The following DDX60 variants were observed in gnomAD, a reference collection of about 807,000 sequenced individuals.
DDX60 encodes DExD/H-box helicase 60, also known as probable ATP-dependent RNA helicase DDX60.
Under a neutral mutation model 212.8 loss-of-function variants are expected in DDX60, and 165 were observed. The ratio of observed to expected loss-of-function variants is 0.78; its 90% CI spans 0.68 to 0.88. The LOEUF (loss-of-function observed/expected upper bound fraction) is 0.88, where lower values mean the gene tolerates loss of function less well. Ranked by LOEUF, DDX60 falls within the 40% of genes least tolerant of loss-of-function variation. The probability of loss-of-function intolerance (pLI) is 0.00; values close to 1 mark genes in which losing one functional copy is unlikely to be tolerated. For missense variants in DDX60, 1,905 were observed against 2,003.9 expected, an observed-to-expected ratio of 0.95 and a Z score of 0.94; for synonymous variants, 703 against 685.3, an observed-to-expected ratio of 1.03 and a Z score of -0.40.
rs1380518835 is a variant in DDX60 at position 168,221,840 on chromosome 4, T to C, written c.4866A>G (p.Pro1622=). 4 of 1,613,178 alleles carry C rather than the reference T, an allele frequency of 2.5e-6. No homozygotes were observed. The highest frequency in any genetic ancestry group is 3.4e-6 in the Non-Finnish European group (4 of 1,179,480). Residue 1622 remains proline (P), a synonymous_variant, in exon 36 of 38, where the codon CCA becomes CCG. Transcript: ENST00000393743. ...TATCAAATTTCTGTGACAACAGCAC[T>C]GGAGCCTGAGAGCGATTGACACCGA... ...GTIGVNRSQA[P]VLLSQKFDNR...
At chr4:168,254,371 C>T (rs545424082) in intron 26 of DDX60, among the ~76,000 whole-genome samples, 3 of 152,152 alleles carry the variant, frequency 2.0e-5, no homozygotes, top group African/African-American at 7.2e-5. Context: ...TTTTTACCTC[C>T]CATGCTTCTA....
intron 33 of DDX60, among the ~76,000 whole-genome samples, chr4:168,231,978 T>C (rs567303748): frequency 4.6e-5 from 7 of 152,006 alleles, no homozygotes; most frequent in Non-Finnish European, 8.8e-5. Flanking sequence ...AAGACTCGTC[T>C]AAAAAGCTCC....
intron 34 of DDX60, among the ~76,000 whole-genome samples, chr4:168,224,985 T>C (rs144067424): frequency 6.6e-6 from 1 of 152,014 alleles, no homozygotes; most frequent in African/African-American, 2.4e-5. Context: ...GCTAAGAGTG[T>C]TAACCATGTA....
At chr4:168,277,555 A>C (rs1380793488) in intron 14 of DDX60, among the ~76,000 whole-genome samples, 1 of 152,082 alleles carries the variant, frequency 6.6e-6, no homozygotes, top group East Asian at 1.9e-4. Flanking sequence ...TGAAAATTCC[A>C]GGCCGGGCGC....
At chr4:168,238,011 C>T (rs2149496969) in intron 30 of DDX60, among the ~76,000 whole-genome samples, 1 of 151,884 alleles carries the variant, frequency 6.6e-6, no homozygotes, top group South Asian at 2.1e-4. Flanking sequence ...AAACGTATTG[C>T]CAAACAGTCT....
In DDX60 at chr4:168,273,273, C is replaced by T; in HGVS notation, c.2574+6G>A. ...GATAACACACTTATTAATTAAAATA[C>T]CCTACCTGACAGTTTAAGGCATCAT... On this transcript the variant is annotated splice_donor_region_variant and intron_variant, in intron 18 of 37. Coordinates refer to ENST00000393743, the MANE Select transcript of DDX60 (RefSeq NM_017631.6). 1.9e-6 allele frequency: 3 copies of T among 1,610,138 alleles called. No individual in the cohort carries two copies. The highest frequency in any genetic ancestry group is 2.5e-6 in the Non-Finnish European group (3 of 1,178,276).
At position 168,246,406 on chromosome 4, in the gene DDX60, C is replaced by T. The variant is rs764203591; in HGVS notation, c.4164+12G>A. ...ATGAAGACTGAACCTCAGGCAGTGT[C>T]CAGCACGGTACCTTTGCCTTGGCAT... On this transcript the variant is annotated intron_variant, in intron 30 of 37. Coordinates refer to ENST00000393743, the MANE Select transcript of DDX60 (RefSeq NM_017631.6). 14 of 1,613,406 alleles carry T rather than the reference C, an allele frequency of 8.7e-6. No homozygotes were observed. The Admixed American group carries it at 2.0e-4, about 23-fold the overall frequency.
chr4:168,292,826 A>G (rs1385317380), intron 7 of DDX60, among the ~76,000 whole-genome samples: 2 of 152,214 alleles, frequency 1.3e-5, no homozygotes, highest in Non-Finnish European at 2.9e-5. Context: ...TAATCATTAG[A>G]AATTCCAGAG....
At chr4:168,269,272 T>C (rs930870410) in intron 19 of DDX60, among the ~76,000 whole-genome samples, 2 of 152,134 alleles carry the variant, frequency 1.3e-5, no homozygotes, top group Admixed American at 6.5e-5. Context: ...TTAGCCTCCC[T>C]ATCTGCCCTT....
intron 26 of DDX60, among the ~76,000 whole-genome samples, chr4:168,254,330 G>A (rs986746385): frequency 6.6e-6 from 1 of 152,100 alleles, no homozygotes; most frequent in Non-Finnish European, 1.5e-5. Context: ...AAGTCACTAA[G>A]AAGGCTTACA....
rs567915360 is a variant in DDX60 at position 168,314,530 on chromosome 4, C to T, written c.-106-3165G>A. Among the ~76,000 whole-genome samples, 15 of 152,192 alleles carry T rather than the reference C, an allele frequency of 9.9e-5. No individual in the cohort carries two copies. The East Asian group carries it at 2.7e-3, about 27-fold the overall frequency. ...GAGAGAAAGAGAAAAAGAAAGCATG[C>T]AAGTATTCGTACACATTTAAAACAT... On this transcript the variant is annotated intron_variant, in intron 1 of 37. Transcript: ENST00000393743.
chr4:168,289,238 C>A (rs1031761083), intron 8 of DDX60, among the ~76,000 whole-genome samples: 2 of 152,166 alleles, frequency 1.3e-5, no homozygotes, highest in Admixed American at 1.3e-4. Flanking sequence ...ACAGTGAGCT[C>A]CGTTTCATTA....
Position 168,261,988 on chromosome 4 carries a change from T to C in DDX60, c.3273+12A>G, listed in dbSNP as rs1330054307. On this transcript the variant is annotated intron_variant, in intron 24 of 37. Coordinates refer to ENST00000393743, the MANE Select transcript of DDX60 (RefSeq NM_017631.6). ...AAAAATAAAGTTTGGCCAAAAAGCG[T>C]ATGAAAATTACCTGCTCTACGTTGC... 3.2e-6 allele frequency: 5 copies of C among 1,582,760 alleles called. No individual in the cohort carries two copies. Among genetic ancestry groups the C allele is most frequent in the Non-Finnish European group, 3.4e-6 (4 of 1,169,898 alleles).
intron 34 of DDX60, 123 bp from the exon 35 acceptor site, chr4:168,224,508 T>C (rs1040849589): frequency 3.3e-6 from 3 of 902,454 alleles, no homozygotes; most frequent in Non-Finnish European, 5.1e-6. Context: ...AAGACTGAAA[T>C]GTTTCGTAAG....
chr4:168,233,412 T>C (rs934876339), intron 33 of DDX60, among the ~76,000 whole-genome samples: 2 of 152,084 alleles, frequency 1.3e-5, no homozygotes, highest in African/African-American at 2.4e-5. Context: ...TGGACATGCA[T>C]GTTTACAGCA....
At chr4:168,275,610 C>G in intron 15 of DDX60, 107 bp from the exon 16 acceptor site, 1 of 974,704 alleles carries the variant, frequency 1.0e-6, no homozygotes. Flanking sequence ...AGCATTTTAC[C>G]ACCTTTTAAA....
Position 168,306,423 on chromosome 4 carries a change from A to G in DDX60, c.562T>C (p.Tyr188His). ...QESDVLCLYA[Y>H]LLPSMYRHQI... is the part of the protein sequence containing the mutation. ...TGTCTGTACATGCTTGGAAGAAGGT[A>G]TGCATAAAGGCAAAGAACATCAGAT... The change falls in exon 5 of 38, where the codon TAC (tyrosine) becomes CAC (histidine). Residue 188 changes from tyrosine (Y) to histidine (H), a missense_variant. Coordinates refer to ENST00000393743, the MANE Select transcript of DDX60 (RefSeq NM_017631.6). 6.2e-7 allele frequency: 1 copy of G among 1,614,052 alleles called. No individual in the cohort carries two copies. The highest frequency in any genetic ancestry group is 8.5e-7 in the Non-Finnish European group (1 of 1,179,938).
At chr4:168,243,369 G>T (rs1025138187) in intron 30 of DDX60, among the ~76,000 whole-genome samples, 7 of 151,950 alleles carry the variant, frequency 4.6e-5, no homozygotes, top group Non-Finnish European at 8.8e-5. Context: ...TCCAACAAAT[G>T]TCTAATATCC....
intron 30 of DDX60, among the ~76,000 whole-genome samples, chr4:168,241,996 T>C (rs1020322807): frequency 2.0e-5 from 3 of 152,132 alleles, no homozygotes; most frequent in African/African-American, 7.2e-5. Flanking sequence ...TCCCAGCTGC[T>C]CCCGCTATGA....
Sources: gnomAD v4.1 joint callset for allele counts (sites outside exome capture counted in the v4.1 genomes callset) on GRCh38, gnomAD v4.1.1 for gene constraint, MANE v1.5 for transcripts, NCBI Gene and HGNC (gene_info 2026-07-23, HGNC 2026-07-21) for gene names.